The following SEZ6L variants were observed in gnomAD, a reference collection of about 807,000 sequenced individuals.
SEZ6L encodes the protein seizure related 6 homolog like, also known as seizure 6-like protein.
In SEZ6L, 37 loss-of-function variants were observed where a neutral mutation model predicts 106.2. The observed-to-expected ratio is 0.35, with a 90% confidence interval of 0.27 to 0.46. The LOEUF (loss-of-function observed/expected upper bound fraction) is 0.46, where lower values mean the gene tolerates loss of function less well. SEZ6L is among the 20% of genes least tolerant of loss of function. The pLI is 1.00. For missense variants in SEZ6L, 1,172 were observed against 1,332.8 expected (o/e 0.88, Z 1.88); for synonymous variants, 541 against 570.4 (o/e 0.95, Z 0.73).
At chr22:26,335,374 C>T (rs1346483654) in intron 9 of SEZ6L, among the ~76,000 whole-genome samples, 1 of 152,188 alleles carries the variant, frequency 6.6e-6, no homozygotes, top group African/African-American at 2.4e-5. Context: ...ATCTTATAAC[C>T]CTAAGTATCA....
At chr22:26,231,613 T>C (rs1244331933) in intron 1 of SEZ6L, among the ~76,000 whole-genome samples, 1 of 152,198 alleles carries the variant, frequency 6.6e-6, no homozygotes, top group East Asian at 1.9e-4. Context: ...GAAGTAGACT[T>C]GCTGTCCACA....
intron 1 of SEZ6L, among the ~76,000 whole-genome samples, chr22:26,204,235 C>T (rs1037040074): frequency 6.6e-6 from 1 of 152,058 alleles, no homozygotes; most frequent in Admixed American, 6.6e-5. Context: ...AGACATGGTC[C>T]CTCTTGGGAC....
intron 1 of SEZ6L, among the ~76,000 whole-genome samples, chr22:26,273,030 T>G (rs964304668): frequency 7.9e-5 from 12 of 152,212 alleles, no homozygotes; most frequent in African/African-American, 2.9e-4. Context: ...GCTGAAAAAG[T>G]GGTAGCCATG....
intron 1 of SEZ6L, among the ~76,000 whole-genome samples, chr22:26,280,711 A>G (rs2080735372): frequency 6.6e-6 from 1 of 152,196 alleles, no homozygotes; most frequent in African/African-American, 2.4e-5. Context: ...CTATATTGAC[A>G]TAGGGTTGAA....
intron 1 of SEZ6L, among the ~76,000 whole-genome samples, chr22:26,273,470 G>A (rs1288162638): frequency 6.6e-6 from 1 of 152,276 alleles, no homozygotes; most frequent in African/African-American, 2.4e-5. Flanking sequence ...GCGCCGCCTC[G>A]GCCTCAGGCC....
At chr22:26,347,154 C>G (rs1321246879) in intron 10 of SEZ6L, among the ~76,000 whole-genome samples, 2 of 151,534 alleles carry the variant, frequency 1.3e-5, no homozygotes, top group African/African-American at 4.9e-5. Flanking sequence ...TATGATCATA[C>G]TCTTGCACTC....
At position 26,178,114 on chromosome 22, in the gene SEZ6L, G is replaced by A. The variant is rs576755619; in HGVS notation, c.94+8351G>A. ...TATCTGTTTTCAGTAAACCACTGGC[G>A]TCTATTACCCACATGGGACATTTAC... On this transcript the variant is annotated intron_variant, in intron 1 of 16. Coordinates refer to ENST00000248933, the MANE Select transcript of SEZ6L (RefSeq NM_021115.5). 2.4e-4 allele frequency among the ~76,000 whole-genome samples: 36 copies of A among 152,262 alleles called. No individual in the cohort carries two copies. The East Asian group carries it at 4.6e-3, about 20-fold the overall frequency.
intron 1 of SEZ6L, chr22:26,292,194 G>A (rs974962076): frequency 2.0e-6 from 1 of 498,082 alleles, no homozygotes; most frequent in Admixed American, 3.7e-5. Context: ...GAGGGAGGGT[G>A]GGAGGAAAAG....
intron 11 of SEZ6L, among the ~76,000 whole-genome samples, chr22:26,350,703 C>A (rs1368980297): frequency 6.8e-6 from 1 of 147,330 alleles, no homozygotes; most frequent in Non-Finnish European, 1.5e-5. Context: ...GTCGCCCAGG[C>A]TGGAGTGCAG....
At chr22:26,324,105 C>A (rs77012943) in intron 9 of SEZ6L, among the ~76,000 whole-genome samples, 7 of 144,150 alleles carry the variant, frequency 4.9e-5, no homozygotes, top group East Asian at 2.1e-4. Flanking sequence ...CACACACAAA[C>A]ACACACACAC....
intron 1 of SEZ6L, among the ~76,000 whole-genome samples, chr22:26,237,391 T>A (rs1028494): frequency 0.84 from 127,105 of 152,174 alleles, 53,341 homozygotes; most frequent in East Asian, 1. Flanking sequence ...TGTTTGCATG[T>A]AGAAATCCAA....
intron 1 of SEZ6L, among the ~76,000 whole-genome samples, chr22:26,273,152 C>T (rs181928638): frequency 6.6e-6 from 1 of 152,366 alleles, no homozygotes; most frequent in East Asian, 1.9e-4. Flanking sequence ...CTCTCTTCCT[C>T]CCTTTCTCTG....
chr22:26,220,364 G>A (rs530076851), intron 1 of SEZ6L, among the ~76,000 whole-genome samples: 7 of 152,126 alleles, frequency 4.6e-5, no homozygotes, highest in African/African-American at 7.2e-5. Flanking sequence ...TAATAACAGC[G>A]AATCTGCCAT....
intron 9 of SEZ6L, among the ~76,000 whole-genome samples, chr22:26,338,176 G>A (rs1005022126): frequency 6.6e-6 from 1 of 152,188 alleles, no homozygotes; most frequent in Non-Finnish European, 1.5e-5. Flanking sequence ...TACAGTTCCC[G>A]TATAAAACCC....
intron 9 of SEZ6L, among the ~76,000 whole-genome samples, chr22:26,331,093 T>A (rs1275155223): frequency 1.3e-5 from 2 of 152,222 alleles, no homozygotes; most frequent in Non-Finnish European, 2.9e-5. Context: ...CAACCTCACC[T>A]ACCACCTGCT....
rs574524872 is a variant in SEZ6L at position 26,268,632 on chromosome 22, A to G, written c.95-23774A>G. ...AGGGCACATAGGCCAGGGTCTCTCC[A>G]TCTCCGCACAACTGACATTCGGGAT... On this transcript the variant is annotated intron_variant, in intron 1 of 16. Coordinates refer to ENST00000248933, the MANE Select transcript of SEZ6L (RefSeq NM_021115.5). Among the ~76,000 whole-genome samples, 4 of 152,322 alleles carry G rather than the reference A, an allele frequency of 2.6e-5. No individual in the cohort carries two copies. The South Asian group carries it at 6.2e-4, about 24-fold the overall frequency.
chr22:26,226,577 A>ATGTG (rs756668580), intron 1 of SEZ6L, among the ~76,000 whole-genome samples: 3 of 151,836 alleles, frequency 2.0e-5, no homozygotes, highest in East Asian at 3.9e-4. Flanking sequence ...GTGTATATGT[A>ATGTG]TGTGTGTGTG....
chr22:26,252,710 T>G (rs2079641729), intron 1 of SEZ6L, among the ~76,000 whole-genome samples: 2 of 152,252 alleles, frequency 1.3e-5, no homozygotes. Flanking sequence ...CTTAAGATAA[T>G]GGCACCCAGT....
intron 9 of SEZ6L, among the ~76,000 whole-genome samples, chr22:26,339,967 A>G (rs2082772531): frequency 6.6e-6 from 1 of 152,118 alleles, no homozygotes; most frequent in South Asian, 2.1e-4. Context: ...GGGCACAGTG[A>G]CTCACGCCTG....
Sources: allele counts gnomAD v4.1 joint callset (sites outside exome capture counted in the v4.1 genomes callset), GRCh38; gene constraint gnomAD v4.1.1; transcripts MANE v1.5; gene names NCBI Gene and HGNC (gene_info 2026-07-23, HGNC 2026-07-21).